Variants in UNC79 observed in about 807,000 individuals in gnomAD.
UNC79 encodes unc-79 subunit of NALCN channel complex, also known as protein unc-79 homolog.
UNC79 carries 37 observed loss-of-function variants against 283.1 expected under a neutral mutation model. The ratio of observed to expected loss-of-function variants is 0.13; its 90% CI spans 0.10 to 0.17. The LOEUF (loss-of-function observed/expected upper bound fraction) is 0.17, where lower values mean the gene tolerates loss of function less well. Ranked by LOEUF, UNC79 falls within the 10% of genes least tolerant of loss-of-function variation. The pLI is 1.00. For missense variants in UNC79, 2,272 were observed against 3,211.1 expected, an observed-to-expected ratio of 0.71 and a Z score of 7.07; for synonymous variants, 1,107 against 1,200.2, an observed-to-expected ratio of 0.92 and a Z score of 1.61.
chr14:93,421,238 A>G (rs1302006830), intron 1 of UNC79, among the ~76,000 whole-genome samples: 1 of 151,810 alleles, frequency 6.6e-6, no homozygotes, highest in African/African-American at 2.4e-5. Flanking sequence ...GAAGACTCAA[A>G]TAAATAAAAT....
chr14:93,489,058 C>A (rs1219674419), intron 5 of UNC79, among the ~76,000 whole-genome samples: 1 of 152,230 alleles, frequency 6.6e-6, no homozygotes, highest in Admixed American at 6.5e-5. Flanking sequence ...TCTCCTTCCT[C>A]AGCCTCTTGA....
At chr14:93,398,733 A>C (rs2055046459) in intron 1 of UNC79, among the ~76,000 whole-genome samples, 1 of 152,190 alleles carries the variant, frequency 6.6e-6, no homozygotes, top group African/African-American at 2.4e-5. Flanking sequence ...TTTAGAGAAG[A>C]AGAAAGTCTG....
intron 1 of UNC79, among the ~76,000 whole-genome samples, chr14:93,350,717 G>A (rs192190991): frequency 4.2e-4 from 64 of 151,768 alleles, no homozygotes; most frequent in African/African-American, 1.4e-3. Context: ...TCTTAGATTC[G>A]TATCTCAGAG....
At chr14:93,535,413 G>C (rs994693636) in intron 11 of UNC79, among the ~76,000 whole-genome samples, 1 of 152,298 alleles carries the variant, frequency 6.6e-6, no homozygotes, top group South Asian at 2.1e-4. Flanking sequence ...CGGTATTCCA[G>C]ATATTATCAT....
intron 1 of UNC79, among the ~76,000 whole-genome samples, chr14:93,371,427 A>T (rs529373708): frequency 2.0e-5 from 3 of 152,140 alleles, no homozygotes; most frequent in Admixed American, 2.0e-4. Flanking sequence ...CACACAAACA[A>T]AACAAAACAA....
At chr14:93,468,707 G>A (rs1013530458) in intron 2 of UNC79, among the ~76,000 whole-genome samples, 6 of 152,150 alleles carry the variant, frequency 3.9e-5, no homozygotes, top group Admixed American at 2.0e-4. Context: ...AGCTTCATGC[G>A]ATCAAGTCAG....
chr14:93,683,930 T>A (rs2074048029), intron 42 of UNC79, among the ~76,000 whole-genome samples: 1 of 152,162 alleles, frequency 6.6e-6, no homozygotes, highest in Non-Finnish European at 1.5e-5. Context: ...TTGATGAGTT[T>A]GGAAATGATT....
At chr14:93,605,108 G>A in intron 26 of UNC79, 147 bp downstream of exon 27, 1 of 739,256 alleles carries the variant, frequency 1.4e-6, no homozygotes, top group East Asian at 2.9e-5. Flanking sequence ...TCAAGTGTTT[G>A]AACCCCTGAT....
At chr14:93,505,161 C>T (rs2059466841) in intron 7 of UNC79, among the ~76,000 whole-genome samples, 1 of 152,038 alleles carries the variant, frequency 6.6e-6, no homozygotes, top group African/African-American at 2.4e-5. Context: ...CTACATGTGT[C>T]AATGAAATTA....
intron 1 of UNC79, among the ~76,000 whole-genome samples, chr14:93,356,915 T>C (rs1173238381): frequency 6.6e-6 from 1 of 152,186 alleles, no homozygotes; most frequent in Admixed American, 6.5e-5. Flanking sequence ...TATGGGTAAA[T>C]TGTATGTCGT....
At chr14:93,648,967 G>A (rs750675777) in intron 35 of UNC79, among the ~76,000 whole-genome samples, 1 of 152,128 alleles carries the variant, frequency 6.6e-6, no homozygotes, top group Non-Finnish European at 1.5e-5. Context: ...GTGTGTGTGC[G>A]TGCGTGTGTA....
At chr14:93,654,426 T>C (rs1243412111) in intron 37 of UNC79, among the ~76,000 whole-genome samples, 1 of 150,822 alleles carries the variant, frequency 6.6e-6, no homozygotes, top group Non-Finnish European at 1.5e-5. Flanking sequence ...AACTCAGGAG[T>C]TGGGGGCTGC....
intron 26 of UNC79, 98 bp from the exon 28 acceptor site, chr14:93,612,699 C>A (rs895137685): frequency 1.1e-5 from 16 of 1,484,066 alleles, no homozygotes; most frequent in Non-Finnish European, 1.4e-5. Context: ...ATTTTGTAGA[C>A]GCAGAAACAA....
chr14:93,422,362 T>TCC (rs1281489995), intron 1 of UNC79, among the ~76,000 whole-genome samples: 1 of 152,066 alleles, frequency 6.6e-6, no homozygotes, highest in Non-Finnish European at 1.5e-5. Context: ...GACCAAAGCT[T>TCC]ATCATGCAGA....
chr14:93,369,982 A>G (rs1402323750), intron 1 of UNC79, among the ~76,000 whole-genome samples: 1 of 152,164 alleles, frequency 6.6e-6, no homozygotes, highest in Non-Finnish European at 1.5e-5. Flanking sequence ...GGGGTGAGAA[A>G]AAAATGATAA....
At chr14:93,648,932 G>C (rs954351617) in intron 35 of UNC79, among the ~76,000 whole-genome samples, 4 of 152,164 alleles carry the variant, frequency 2.6e-5, no homozygotes, top group African/African-American at 9.7e-5. Context: ...TGGGAAGACA[G>C]TGAAGGATTT....
chr14:93,642,083 C>A (rs181925109), intron 33 of UNC79, among the ~76,000 whole-genome samples: 2 of 151,996 alleles, frequency 1.3e-5, no homozygotes, highest in Admixed American at 6.6e-5. Flanking sequence ...TTGGGTATGT[C>A]TTTATTAGCA....
At chr14:93,453,017 T>G (rs569608197) in intron 1 of UNC79, among the ~76,000 whole-genome samples, 3 of 152,350 alleles carry the variant, frequency 2.0e-5, no homozygotes, top group African/African-American at 7.2e-5. Context: ...AAAGTACATC[T>G]GAATTTTGAC....
At chr14:93,510,318 T>A (rs921916067) in intron 7 of UNC79, among the ~76,000 whole-genome samples, 2 of 152,232 alleles carry the variant, frequency 1.3e-5, no homozygotes, top group Non-Finnish European at 2.9e-5. Flanking sequence ...ATTTGGTTCC[T>A]CTTTACTTAT....
Sources: allele counts gnomAD v4.1 joint callset (sites outside exome capture counted in the v4.1 genomes callset), GRCh38; gene constraint gnomAD v4.1.1; transcripts MANE v1.5; gene names NCBI Gene and HGNC (gene_info 2026-07-23, HGNC 2026-07-21).